SYTL5: variants seen among roughly 807,000 people sequenced by gnomAD.
SYTL5 encodes synaptotagmin-like protein 5.
SYTL5 carries 34 observed loss-of-function variants against 55.9 expected under a neutral mutation model. The observed-to-expected ratio is 0.61, with a 90% CI of 0.46 to 0.81. The LOEUF is 0.81. SYTL5 is among the 30% of genes least tolerant of loss of function. The probability of loss-of-function intolerance (pLI) is 0.00; values close to 1 mark genes in which losing one functional copy is unlikely to be tolerated. For missense variants in SYTL5, 637 were observed against 546.7 expected, an observed-to-expected ratio of 1.17 and a Z score of -1.65; for synonymous variants, 221 against 188.7, an observed-to-expected ratio of 1.17 and a Z score of -1.40.
At chrX:37,923,595 T>C in the SYTL5 span, among the ~76,000 whole-genome samples, 1 of 110,068 alleles carries the variant, frequency 9.1e-6, no homozygotes, top group African/African-American at 3.3e-5. Context: ...AATTCTCAGA[T>C]ATATTCTCAA....
intron 3 of SYTL5, among the ~76,000 whole-genome samples, chrX:38,061,624 G>A (rs953726726): frequency 1.8e-5 from 2 of 111,777 alleles, no homozygotes; most frequent in Non-Finnish European, 3.8e-5. Context: ...GCACTGAAAC[G>A]ATTACAGCAA....
intron 2 of SYTL5, among the ~76,000 whole-genome samples, chrX:38,045,538 C>CT (rs1430479209): frequency 8.9e-6 from 1 of 111,830 alleles, no homozygotes; most frequent in African/African-American, 3.2e-5. Flanking sequence ...CGGTATATTC[C>CT]TATGAGCCAA....
rs139945428 is a variant in SYTL5, at chrX:38,096,234, G to C, written c.1062G>C (p.Lys354Asn). Residue 354 changes from lysine (K) to asparagine (N), a missense_variant and splice_region_variant, in exon 9 of 17, where the codon AAG becomes AAC. Coordinates refer to ENST00000297875, the MANE Select transcript of SYTL5 (RefSeq NM_138780.3). ...AGTCTGTCCCTGGGGCTTTAGACAA[G>C]GTAAGTTGGATGTGGAAGAAAATAT... is the stretch of plus-strand genomic sequence containing the variant. The part of the protein sequence containing the change: ...RSKSVPGALD[K>N]DSLEETEESI... 1.9e-5 allele frequency: 21 copies of C among 1,108,823 alleles called. No homozygotes were observed. Among genetic ancestry groups the C allele is most frequent in the Non-Finnish European group, 2.6e-5 (21 of 809,501 alleles). 91.4% of individuals were successfully genotyped at this position (1,108,823 alleles called of 1,213,427 possible).
At chrX:38,016,126 C>T (rs757950913) in intron 1 of SYTL5, among the ~76,000 whole-genome samples, 11 of 111,515 alleles carry the variant, frequency 9.9e-5, no homozygotes, top group Non-Finnish European at 1.9e-4. Context: ...TTTAGTAGAT[C>T]TATGCTATGA....
At chrX:37,973,659 A>G in the SYTL5 span, among the ~76,000 whole-genome samples, 1 of 109,347 alleles carries the variant, frequency 9.1e-6, no homozygotes, top group African/African-American at 3.3e-5. Flanking sequence ...CTTGAGACAG[A>G]GTCTCCCCCA....
At chrX:38,000,460 A>T in the SYTL5 span, among the ~76,000 whole-genome samples, 3 of 112,464 alleles carry the variant, frequency 2.7e-5, no homozygotes, top group Non-Finnish European at 5.6e-5. Context: ...TCACTTCTTC[A>T]GTGCCCTGCT....
chrX:37,900,320 T>C, the SYTL5 span, among the ~76,000 whole-genome samples: 1 of 112,637 alleles, frequency 8.9e-6, no homozygotes, highest in Non-Finnish European at 1.9e-5. Flanking sequence ...CATACTTTCA[T>C]AGTTTATATT....
the SYTL5 span, among the ~76,000 whole-genome samples, chrX:37,964,725 T>G: frequency 1.8e-5 from 2 of 111,514 alleles, no homozygotes; most frequent in African/African-American, 6.5e-5. Context: ...GGTCCTGGGC[T>G]TCTTGTCATT....
At chrX:37,981,653 T>C in the SYTL5 span, among the ~76,000 whole-genome samples, 2,151 of 111,638 alleles carry the variant, frequency 0.019, 60 homozygotes, top group African/African-American at 0.067. Context: ...GAGCCCAGAC[T>C]AGATTGGATC....
chrX:38,061,154 G>A, intron 3 of SYTL5, among the ~76,000 whole-genome samples: 2 of 112,121 alleles, frequency 1.8e-5, no homozygotes, highest in Middle Eastern at 9.2e-3. Context: ...ACCCTTCTAT[G>A]ACAACAACTT....
the SYTL5 span, among the ~76,000 whole-genome samples, chrX:37,958,217 A>C: frequency 9.9e-5 from 11 of 110,701 alleles, no homozygotes; most frequent in Non-Finnish European, 2.1e-4. Flanking sequence ...TCAAAAAAAA[A>C]AAAACAAAAA....
At chrX:37,928,292 C>T in the SYTL5 span, among the ~76,000 whole-genome samples, 1 of 111,681 alleles carries the variant, frequency 9.0e-6, no homozygotes, top group Non-Finnish European at 1.9e-5. Context: ...AACTAGTCCC[C>T]CTTTCCAGAG....
chrX:38,106,744 G>A lies in SYTL5; in HGVS notation c.1307G>A (p.Gly436Glu). ...FVKNCRNLAI[G>E]DEKKQRTDAY... ...AAGAATTGCAGAAATCTGGCCATAG[G>A]AGATGAAAAGAAACAGAGGACAGAT... is the stretch of plus-strand genomic sequence containing the variant. The change falls in exon 11 of 17, where the codon GGA (glycine) becomes GAA (glutamate). Residue 436 changes from glycine (G) to glutamate (E), a missense_variant. Coordinates refer to ENST00000297875, the MANE Select transcript of SYTL5 (RefSeq NM_138780.3). The A allele has an allele frequency of 1.7e-6, 2 of 1,202,757 alleles. No homozygotes were observed. The highest frequency in any genetic ancestry group is 2.3e-5 in the Admixed American group (1 of 44,368).
At chrX:38,102,968 C>A in intron 10 of SYTL5, 1 of 904,019 alleles carries the variant, frequency 1.1e-6, no homozygotes, top group Non-Finnish European at 1.6e-6. Flanking sequence ...CTTGGCTTCT[C>A]TGATTTCTGT....
At chrX:37,916,852 G>C in the SYTL5 span, among the ~76,000 whole-genome samples, 1 of 111,300 alleles carries the variant, frequency 9.0e-6, no homozygotes, top group African/African-American at 3.3e-5. Context: ...ATTAACTAAG[G>C]CTCATGTTTT....
the SYTL5 span, among the ~76,000 whole-genome samples, chrX:37,998,601 GCCGTTCCACACCTTA>G: frequency 8.9e-6 from 1 of 111,780 alleles, no homozygotes; most frequent in African/African-American, 3.3e-5. Context: ...CACACCCCTT[GCCGTTCCACACCTTA>G]CTCCCCCTTG....
rs745974963 is a variant in SYTL5 at position 38,125,241 on chromosome X, C to T, written c.1842-57C>T. The T allele has an allele frequency of 4.3e-5, 45 of 1,045,523 alleles. No individual in the cohort carries two copies. In the African/African-American group the frequency reaches 5.5e-4, roughly 13 times the overall value. The allele number at this position is 1,045,523 out of a possible 1,213,427, so 86.2% of individuals were successfully genotyped here. A position where few individuals can be genotyped will look rare whatever the true frequency, so the allele number is the denominator to read the frequency against. ...AATAGACACATCACACTTGTGTACA[C>T]GCTGACATTTTCTGTCTGCTGTCTT... On this transcript the variant is annotated intron_variant, in intron 15 of 16. Transcript: ENST00000297875.
the SYTL5 span, among the ~76,000 whole-genome samples, chrX:37,959,934 T>A: frequency 6.3e-5 from 7 of 111,761 alleles, no homozygotes; most frequent in Non-Finnish European, 1.3e-4. Context: ...ATTCTGCACA[T>A]CTCCAGAATT....
At chrX:38,019,835 A>G (rs1199456768) in intron 1 of SYTL5, among the ~76,000 whole-genome samples, 8 of 110,523 alleles carry the variant, frequency 7.2e-5, no homozygotes, top group Non-Finnish European at 3.8e-5. Context: ...AGAGCTCATT[A>G]TATTGCCCAG....
Sources: allele counts gnomAD v4.1 joint callset (sites outside exome capture counted in the v4.1 genomes callset), GRCh38; gene constraint gnomAD v4.1.1; transcripts MANE v1.5; gene names NCBI Gene and HGNC (gene_info 2026-07-23, HGNC 2026-07-21).